ATR: variants seen among roughly 807,000 people sequenced by gnomAD.
ATR encodes the protein serine/threonine-protein kinase ATR.
A neutral mutation model predicts 305.3 loss-of-function variants in ATR; 142 were observed. The ratio of observed to expected loss-of-function variants is 0.47; its 90% CI spans 0.41 to 0.53. The LOEUF (loss-of-function observed/expected upper bound fraction) is 0.53, where lower values mean the gene tolerates loss of function less well. Ranked by LOEUF, ATR falls within the 20% of genes least tolerant of loss-of-function variation. The pLI, the probability that ATR is intolerant of heterozygous loss-of-function variation, is 0.00. For synonymous variants in ATR, 1,050 were observed against 1,068.1 expected, an observed-to-expected ratio of 0.98 and a Z score of 0.33; for missense variants, 2,135 against 3,133.1, an observed-to-expected ratio of 0.68 and a Z score of 7.60.
chr3:142,509,169 C>T (rs1031100497), intron 27 of ATR, among the ~76,000 whole-genome samples: 3 of 151,992 alleles, frequency 2.0e-5, no homozygotes, highest in African/African-American at 4.8e-5. Context: ...TATTTATTTA[C>T]TTACTTTTTA....
chr3:142,513,495 T>A lies in ATR; in HGVS notation c.4641+6A>T. The A allele has an allele frequency of 6.2e-7, 1 of 1,613,274 alleles. No homozygotes were observed. The highest frequency in any genetic ancestry group is 8.5e-7 in the Non-Finnish European group (1 of 1,179,514). On this transcript the variant is annotated splice_donor_region_variant and intron_variant, in intron 26 of 46. Coordinates refer to ENST00000350721, the MANE Select transcript of ATR (RefSeq NM_001184.4). ...TTCAAAAACCAAGTAAGATGATTTA[T>A]CTCACCTCCTGCTGATCTTCTTGAT...
rs551156002 is a variant in ATR, at chr3:142,528,311, C to T, written c.3946-4112G>A. Among the ~76,000 whole-genome samples the T allele has an allele frequency of 2.0e-5, 3 of 152,090 alleles. No individual in the cohort carries two copies. The East Asian group carries it at 5.8e-4, about 29-fold the overall frequency. ...ATACTGAGAATAACATGGTAGTCTC[C>T]TCTGATTGAGTTTCTATATATATCT... On this transcript the variant is annotated intron_variant, in intron 21 of 46. Transcript: ENST00000350721.
At chr3:142,541,560 A>G (rs934005756) in intron 17 of ATR, among the ~76,000 whole-genome samples, 10 of 152,220 alleles carry the variant, frequency 6.6e-5, no homozygotes, top group Admixed American at 3.3e-4. Context: ...AAAATGAAAC[A>G]CATGAAAAAC....
At chr3:142,508,281 C>CAGA (rs915052054) in intron 27 of ATR, among the ~76,000 whole-genome samples, 172 bp from the exon 28 acceptor site, 3 of 152,064 alleles carry the variant, frequency 2.0e-5, no homozygotes, top group Non-Finnish European at 4.4e-5. Context: ...AGTCTTGCTC[C>CAGA]AACTCTGCCA....
At chr3:142,564,329 A>G (rs568948926) in intron 3 of ATR, among the ~76,000 whole-genome samples, 4 of 151,754 alleles carry the variant, frequency 2.6e-5, no homozygotes, top group African/African-American at 7.2e-5. Context: ...TCAGACAGGC[A>G]AGGTCCTAGC....
chr3:142,510,312 A>G (rs1271943480), intron 27 of ATR, among the ~76,000 whole-genome samples: 1 of 151,758 alleles, frequency 6.6e-6, no homozygotes, highest in South Asian at 2.1e-4. Context: ...CCTGGCCAAC[A>G]TGGTGAAGCC....
At chr3:142,576,273 G>A (rs2035435471) in intron 1 of ATR, among the ~76,000 whole-genome samples, 1 of 152,232 alleles carries the variant, frequency 6.6e-6, no homozygotes. Flanking sequence ...CAAGGGCGCA[G>A]TAAATCAGGC....
intron 16 of ATR, among the ~76,000 whole-genome samples, chr3:142,546,593 A>G (rs1401423222): frequency 6.6e-6 from 1 of 152,222 alleles, no homozygotes; most frequent in Admixed American, 6.5e-5. Flanking sequence ...AAAAAGAGCC[A>G]GTTACATAGT....
intron 38 of ATR, 111 bp from the exon 39 acceptor site, chr3:142,468,179 A>G: frequency 7.7e-7 from 1 of 1,295,714 alleles, no homozygotes; most frequent in South Asian, 1.3e-5. Flanking sequence ...GAGAGTTTAT[A>G]TGATACAAAT....
rs770051146 is a variant in ATR at position 142,562,924 on chromosome 3, G to A, written c.478C>T (p.His160Tyr). 5.6e-6 allele frequency: 9 copies of A among 1,613,374 alleles called. No homozygotes were observed. The African/African-American group carries it at 8.0e-5, about 14-fold the overall frequency. Residue 160 changes from histidine to tyrosine, a missense_variant, in exon 4 of 47, where the codon CAT becomes TAT. By Grantham distance (83) the His-to-Tyr change is moderately conservative. Transcript: ENST00000350721. ...GCATGACCCATCACATTTCTTCTAT[G>A]GAGGTAAACCAAGTCTTCAAAAAGT... Reference protein sequence around the residue: ...LQLFEDLVYLHRRNVMGHAVE... With the variant: ...LQLFEDLVYLYRRNVMGHAVE...
At chr3:142,534,122 G>A (rs1412577172) in intron 21 of ATR, among the ~76,000 whole-genome samples, 1 of 152,056 alleles carries the variant, frequency 6.6e-6, no homozygotes, top group Non-Finnish European at 1.5e-5. Context: ...TAAATTAAAA[G>A]GCTAAAAGTC....
chr3:142,542,159 T>C (rs1016040852), intron 17 of ATR, among the ~76,000 whole-genome samples: 27 of 152,288 alleles, frequency 1.8e-4, no homozygotes, highest in African/African-American at 6.3e-4. Flanking sequence ...AAAAACACCA[T>C]GAGCCATGAC....
chr3:142,569,524 G>C (rs34104088), intron 1 of ATR, among the ~76,000 whole-genome samples: 4 of 152,004 alleles, frequency 2.6e-5, no homozygotes, highest in Admixed American at 6.6e-5. Context: ...GTTTCACCAC[G>C]TTGCCCAGGC....
intron 21 of ATR, among the ~76,000 whole-genome samples, chr3:142,532,088 G>C (rs927900038): frequency 1.3e-5 from 2 of 152,136 alleles, no homozygotes; most frequent in African/African-American, 4.8e-5. Flanking sequence ...CTCATGCTCG[G>C]TGGGCTGCAC....
At chr3:142,577,392 G>A (rs563641282) in intron 1 of ATR, among the ~76,000 whole-genome samples, 1 of 152,306 alleles carries the variant, frequency 6.6e-6, no homozygotes, top group Admixed American at 6.5e-5. Flanking sequence ...GAGCCTGAAA[G>A]ATGAAATTTG....
chr3:142,508,144 TATA>T lies in ATR; in HGVS notation c.4853-38_4853-36del, dbSNP rs1254018556. 2.6e-6 allele frequency: 4 copies of T among 1,553,428 alleles called. No homozygotes were observed. The African/African-American group carries it at 5.5e-5, about 21-fold the overall frequency. On this transcript the variant is annotated intron_variant, in intron 27 of 46. Coordinates refer to ENST00000350721, the MANE Select transcript of ATR (RefSeq NM_001184.4). ...AAAAAAAGTTGAGTAATTAAAGACTTATAAGATAAAATTTAAAAGTGTCAATTT... is the reference window on the plus strand; with the variant it reads ...AAAAAAAGTTGAGTAATTAAAGACTTAGATAAAATTTAAAAGTGTCAATTT...
chr3:142,564,608 A>T (rs1299008765), intron 3 of ATR, among the ~76,000 whole-genome samples: 1 of 152,238 alleles, frequency 6.6e-6, no homozygotes, highest in Non-Finnish European at 1.5e-5. Flanking sequence ...CTCACAGTAC[A>T]GTTTCTTGAG....
At chr3:142,492,926 TTATAGAGCTCAAATAATA>T (rs1330203223) in intron 35 of ATR, among the ~76,000 whole-genome samples, 188 bp downstream of exon 35, 1 of 152,070 alleles carries the variant, frequency 6.6e-6, no homozygotes, top group Non-Finnish European at 1.5e-5. Flanking sequence ...GGTAGTGGGG[TTATAGAGCTCAAATAATA>T]TTCTATTTCT....
At chr3:142,482,049 C>T (rs1180344058) in intron 36 of ATR, among the ~76,000 whole-genome samples, 1 of 152,062 alleles carries the variant, frequency 6.6e-6, no homozygotes, top group Non-Finnish European at 1.5e-5. Flanking sequence ...TGGTTTTGAA[C>T]TCATGGGCTC....
Sources: gnomAD v4.1 joint callset for allele counts (sites outside exome capture counted in the v4.1 genomes callset) on GRCh38, gnomAD v4.1.1 for gene constraint, MANE v1.5 for transcripts, NCBI Gene and HGNC (gene_info 2026-07-23, HGNC 2026-07-21) for gene names.